NDUFB6: variants seen among roughly 807,000 people sequenced by gnomAD.
The protein encoded by NDUFB6 is NADH:ubiquinone oxidoreductase subunit B6.
NDUFB6 carries 23 observed loss-of-function variants against 17.5 expected under a neutral mutation model. The ratio of observed to expected loss-of-function variants is 1.31; its 90% CI spans 0.94 to 1.86. NDUFB6 has a LOEUF of 1.86. Among genes scored for constraint, NDUFB6 ranks in the 40% most tolerant of loss-of-function variants. The pLI, the probability that NDUFB6 is intolerant of heterozygous loss-of-function variation, is 0.00. For synonymous variants in NDUFB6, 60 were observed against 53.5 expected, an observed-to-expected ratio of 1.12 and a Z score of -0.53; for missense variants, 167 against 153.8, an observed-to-expected ratio of 1.09 and a Z score of -0.46.
Position 32,553,479 on chromosome 9 carries a change from G to C in NDUFB6, c.*397C>G, listed in dbSNP as rs1821361263. Reference sequence around the variant, plus strand: ...GCTGGGATTACAGGCATGAGCCACTGCGCCTGGCCGGAAAGATTTCCTTAA... The same window carrying C: ...GCTGGGATTACAGGCATGAGCCACTCCGCCTGGCCGGAAAGATTTCCTTAA... On this transcript the variant is annotated 3_prime_UTR_variant, in exon 4 of 4. Coordinates refer to ENST00000379847, the MANE Select transcript of NDUFB6 (RefSeq NM_002493.5). 1 of 198,608 alleles carries C rather than the reference G, an allele frequency of 5.0e-6. No homozygotes were observed. The highest frequency in any genetic ancestry group is 2.4e-5 in the African/African-American group (1 of 41,830). The allele number at this position is 198,608 out of a possible 1,614,324, so 12.3% of individuals were successfully genotyped here. A position where few individuals can be genotyped will look rare whatever the true frequency, so the allele number is the denominator to read the frequency against.
intron 2 of NDUFB6, chr9:32,567,638 C>A (rs1458581296): frequency 8.2e-6 from 3 of 364,062 alleles, no homozygotes; most frequent in South Asian, 6.6e-5. Context: ...AACTTTGTCA[C>A]TATTGTTATA....
Position 32,553,362 on chromosome 9 carries a change from T to A in NDUFB6, c.*514A>T, listed in dbSNP as rs145764322. Reference sequence around the variant, plus strand: ...CGCCACCACGCCCGGCTAATTTTTTTGTATTTTTAGTAGGGACGGGGTTTC... The same window carrying A: ...CGCCACCACGCCCGGCTAATTTTTTAGTATTTTTAGTAGGGACGGGGTTTC... On this transcript the variant is annotated 3_prime_UTR_variant, in exon 4 of 4. Coordinates refer to ENST00000379847, the MANE Select transcript of NDUFB6 (RefSeq NM_002493.5). 3.0e-3 allele frequency: 498 copies of A among 168,490 alleles called. 1 individual carries two copies. The highest frequency in any genetic ancestry group is 5.0e-3 in the Non-Finnish European group (388 of 77,752). 10.4% of individuals were successfully genotyped at this position (168,490 alleles called of 1,614,324 possible).
At chr9:32,563,458 G>T (rs1053638314) in intron 2 of NDUFB6, among the ~76,000 whole-genome samples, 2 of 145,530 alleles carry the variant, frequency 1.4e-5, no homozygotes, top group African/African-American at 5.1e-5. Flanking sequence ...CGATCCTCCT[G>T]CTTCAGCCTC....
intron 1 of NDUFB6, 39 bp from the exon 2 acceptor site, chr9:32,571,091 A>AT: frequency 7.3e-7 from 1 of 1,369,384 alleles, no homozygotes; most frequent in Non-Finnish European, 1.0e-6. Flanking sequence ...AACATATCCC[A>AT]TTTTTTATAT....
At chr9:32,566,083 A>T in intron 2 of NDUFB6, 3 of 404,740 alleles carry the variant, frequency 7.4e-6, no homozygotes, top group Non-Finnish European at 1.3e-5. Flanking sequence ...AAAAAAAAAA[A>T]GGCACCTGTT....
intron 2 of NDUFB6, chr9:32,568,696 GTATA>G (rs1267732347): frequency 6.6e-6 from 1 of 151,746 alleles, no homozygotes; most frequent in Non-Finnish European, 1.5e-5. Context: ...ATATACGTAT[GTATA>G]TATATGTGTA....
intron 3 of NDUFB6, among the ~76,000 whole-genome samples, chr9:32,554,175 A>C (rs1821387701): frequency 6.6e-6 from 1 of 152,196 alleles, no homozygotes; most frequent in Admixed American, 6.5e-5. Flanking sequence ...CAAAATAATC[A>C]AAAAGGGCAC....
At chr9:32,566,155 C>T (rs1034911076) in intron 2 of NDUFB6, 15 of 690,576 alleles carry the variant, frequency 2.2e-5, no homozygotes, top group East Asian at 5.0e-5. Flanking sequence ...ATGTCACTGG[C>T]GCTTTCACAC....
In NDUFB6 at chr9:32,572,749, G is replaced by C; in HGVS notation, c.180+132C>G. 4 of 753,840 alleles carry C rather than the reference G, an allele frequency of 5.3e-6. No individual in the cohort carries two copies. In the South Asian group the frequency reaches 7.5e-5, roughly 14 times the overall value. The allele number at this position is 753,840 out of a possible 1,614,324, so 46.7% of individuals were successfully genotyped here. ...CTCCCGAGACTCCAGGAGGACTCTC[G>C]GGACTGGCCAGTGTCCCAGAGCACT... On this transcript the variant is annotated intron_variant, in intron 1 of 3. Coordinates refer to ENST00000379847, the MANE Select transcript of NDUFB6 (RefSeq NM_002493.5).
At chr9:32,571,820 GATA>G (rs1396259457) in intron 1 of NDUFB6, among the ~76,000 whole-genome samples, 2 of 152,142 alleles carry the variant, frequency 1.3e-5, no homozygotes, top group Non-Finnish European at 2.9e-5. Flanking sequence ...CCAATATTCC[GATA>G]ATGTCAGGGA....
In NDUFB6 at chr9:32,568,331, G is replaced by T. The variant is rs372816123; in HGVS notation, c.273+2629C>A. 6 of 204,658 alleles carry T rather than the reference G, an allele frequency of 2.9e-5. No individual in the cohort carries two copies. In the East Asian group the frequency reaches 7.8e-4, roughly 26 times the overall value. 12.7% of individuals were successfully genotyped at this position (204,658 alleles called of 1,614,324 possible). On this transcript the variant is annotated intron_variant, in intron 2 of 3. Coordinates refer to ENST00000379847, the MANE Select transcript of NDUFB6 (RefSeq NM_002493.5). ...TGGAGCCTGACCATGTGACTGAAGTGCCTCCATCACATGATAAAGCTTGAT... is the reference window on the plus strand; with the variant it reads ...TGGAGCCTGACCATGTGACTGAAGTTCCTCCATCACATGATAAAGCTTGAT...
chr9:32,555,032 G>A (rs188870919), intron 3 of NDUFB6, among the ~76,000 whole-genome samples: 47 of 151,440 alleles, frequency 3.1e-4, no homozygotes, highest in Non-Finnish European at 2.4e-4. Flanking sequence ...TTTGAGAGGC[G>A]ACATAAAAAT....
At chr9:32,557,189 G>C (rs971337168) in intron 3 of NDUFB6, among the ~76,000 whole-genome samples, 2 of 132,440 alleles carry the variant, frequency 1.5e-5, no homozygotes, top group African/African-American at 3.0e-5. Context: ...TCCCGAGACA[G>C]AGTCTCACTC....
At chr9:32,563,326 CTTT>C (rs964142546) in intron 2 of NDUFB6, among the ~76,000 whole-genome samples, 1 of 148,388 alleles carries the variant, frequency 6.7e-6, no homozygotes, top group Non-Finnish European at 1.5e-5. Flanking sequence ...TTAGCATCCT[CTTT>C]TTTTTTTAAT....
Position 32,573,098 on chromosome 9 carries a change from C to G in NDUFB6, c.-38G>C, listed in dbSNP as rs752739782. 6 of 1,488,996 alleles carry G rather than the reference C, an allele frequency of 4.0e-6. No individual in the cohort carries two copies. The South Asian group carries it at 7.8e-5, about 19-fold the overall frequency. The allele number at this position is 1,488,996 out of a possible 1,614,324, so 92.2% of individuals were successfully genotyped here. A position where few individuals can be genotyped will look rare whatever the true frequency, so the allele number is the denominator to read the frequency against. On this transcript the variant is annotated 5_prime_UTR_variant, in exon 1 of 4. Transcript: ENST00000379847. ...ACCAACGCAAAAGGACACGGCGCACCCTCGAACTACGGACTAGTTACTTAA... is the reference window on the plus strand; with the variant it reads ...ACCAACGCAAAAGGACACGGCGCACGCTCGAACTACGGACTAGTTACTTAA...
chr9:32,559,329 A>G (rs1328763364), intron 2 of NDUFB6, among the ~76,000 whole-genome samples: 1 of 152,212 alleles, frequency 6.6e-6, no homozygotes, highest in African/African-American at 2.4e-5. Context: ...AGCCTCTATC[A>G]TATTTTCACC....
chr9:32,564,977 T>C (rs1320165034), intron 2 of NDUFB6, among the ~76,000 whole-genome samples: 4 of 151,952 alleles, frequency 2.6e-5, no homozygotes, highest in Non-Finnish European at 5.9e-5. Flanking sequence ...CATTGGGAGG[T>C]TTCCTACTTT....
intron 2 of NDUFB6, among the ~76,000 whole-genome samples, chr9:32,560,428 A>C (rs1821593385): frequency 6.6e-6 from 1 of 152,226 alleles, no homozygotes; most frequent in African/African-American, 2.4e-5. Context: ...TTTAGATATG[A>C]TAAAGTAAGT....
At chr9:32,569,764 C>T (rs966623123) in intron 2 of NDUFB6, among the ~76,000 whole-genome samples, 1 of 152,156 alleles carries the variant, frequency 6.6e-6, no homozygotes, top group Non-Finnish European at 1.5e-5. Context: ...AATCTTCCTA[C>T]CTTGGCCTCT....
Sources: gnomAD v4.1 joint callset for allele counts (sites outside exome capture counted in the v4.1 genomes callset) on GRCh38, gnomAD v4.1.1 for gene constraint, MANE v1.5 for transcripts, NCBI Gene and HGNC (gene_info 2026-07-23, HGNC 2026-07-21) for gene names.